The following PIR variants were observed in gnomAD, a reference collection of about 807,000 sequenced individuals.
The protein encoded by PIR is pirin (iron-binding nuclear protein).
In PIR, 22 loss-of-function variants were observed where a neutral mutation model predicts 24.2. The ratio of observed to expected loss-of-function variants is 0.91; its 90% CI spans 0.65 to 1.30. The LOEUF is 1.30. Among genes scored for constraint, PIR ranks in the 50% most tolerant of loss-of-function variants. PIR has a pLI of 0.00. For missense variants in PIR, 220 were observed against 220.3 expected (o/e 1.00, Z 0.01); for synonymous variants, 80 against 79.6 (o/e 1.00, Z -0.03).
chrX:15,447,528 C>T (rs1166610305), intron 5 of PIR, among the ~76,000 whole-genome samples: 1 of 111,823 alleles, frequency 8.9e-6, no homozygotes, highest in Non-Finnish European at 1.9e-5. Flanking sequence ...CCATGTTAGC[C>T]AGGATGGTCT....
At chrX:15,451,146 G>A (rs1013993619) in intron 5 of PIR, among the ~76,000 whole-genome samples, 2 of 111,816 alleles carry the variant, frequency 1.8e-5, no homozygotes, top group African/African-American at 6.5e-5. Flanking sequence ...TCCAATGCTT[G>A]TACAGCTAAA....
intron 5 of PIR, among the ~76,000 whole-genome samples, chrX:15,427,736 T>C (rs754685377): frequency 2.7e-5 from 3 of 109,429 alleles, no homozygotes; most frequent in South Asian, 7.9e-4. Context: ...ATACCGTCAA[T>C]AACTGTATTA....
chrX:15,468,135 G>A (rs1921699423), intron 3 of PIR, among the ~76,000 whole-genome samples: 3 of 112,480 alleles, frequency 2.7e-5, no homozygotes, highest in South Asian at 3.7e-4. Context: ...ACGGGTAGTC[G>A]GAACTATTGT....
chrX:15,459,902 T>C (rs1402801170), intron 3 of PIR, among the ~76,000 whole-genome samples, 162 bp from the exon 4 acceptor site: 7 of 94,252 alleles, frequency 7.4e-5, no homozygotes, highest in Non-Finnish European at 1.3e-4. Flanking sequence ...ATTCCGTGAG[T>C]TGCCTTTTCA....
At chrX:15,473,214 A>G (rs1318224939) in intron 3 of PIR, among the ~76,000 whole-genome samples, 1 of 111,984 alleles carries the variant, frequency 8.9e-6, no homozygotes. Flanking sequence ...AGGACAGTTG[A>G]CAATGTCTGG....
chrX:15,480,731 G>C (rs1410056597), intron 2 of PIR, among the ~76,000 whole-genome samples: 1 of 112,215 alleles, frequency 8.9e-6, no homozygotes, highest in African/African-American at 3.2e-5. Flanking sequence ...AGCTTGGCAT[G>C]CTTGAAGAAC....
At chrX:15,433,455 AAGG>A (rs1209337502) in intron 5 of PIR, among the ~76,000 whole-genome samples, 1 of 104,242 alleles carries the variant, frequency 9.6e-6, no homozygotes, top group Non-Finnish European at 2.0e-5. Flanking sequence ...AAAGAAGAAG[AAGG>A]AGAAGGAGAA....
chrX:15,459,665 C>T lies in PIR; in HGVS notation c.265G>A (p.Asp89Asn). ...CTTGTCCTTGGCCATACCTGCAAAT[C>T]TCCTGGGTTCATTTTACCAGTGTGT... ...CGHTGKMNPGDLQWMTAGRGI... is the reference protein window; with the variant it reads ...CGHTGKMNPGNLQWMTAGRGI... The change falls in exon 4 of 10, where the codon GAT becomes AAT. Residue 89 changes from aspartate to asparagine, a missense_variant. Physicochemically the swap from Asp to Asn is conservative, Grantham distance 23. Coordinates refer to ENST00000380420, the MANE Select transcript of PIR (RefSeq NM_001018109.3). The T allele has an allele frequency of 8.4e-7, 1 of 1,186,662 alleles. No individual in the cohort carries two copies.
intron 4 of PIR, among the ~76,000 whole-genome samples, chrX:15,459,151 C>T (rs1025461757): frequency 8.9e-6 from 1 of 111,882 alleles, no homozygotes; most frequent in Non-Finnish European, 1.9e-5. Flanking sequence ...GGCTCGAGGT[C>T]ATTGTCTTAA....
intron 3 of PIR, among the ~76,000 whole-genome samples, chrX:15,468,032 G>A (rs1921693589): frequency 8.9e-6 from 1 of 112,192 alleles, no homozygotes; most frequent in Admixed American, 9.4e-5. Context: ...TGCTCAAGAT[G>A]TTCATTTCCA....
At chrX:15,475,715 C>T (rs1922157879) in intron 3 of PIR, among the ~76,000 whole-genome samples, 2 of 111,881 alleles carry the variant, frequency 1.8e-5, no homozygotes, top group South Asian at 3.8e-4. Context: ...ACTGAAGTTG[C>T]CCTAAACAAA....
chrX:15,403,988 ATTTT>A (rs1924471814), intron 7 of PIR, among the ~76,000 whole-genome samples: 1 of 81,981 alleles, frequency 1.2e-5, no homozygotes, highest in African/African-American at 4.5e-5. Flanking sequence ...AACATCCAGC[ATTTT>A]CTTTTTTTTT....
intron 4 of PIR, among the ~76,000 whole-genome samples, chrX:15,456,654 G>A (rs1204333608): frequency 1.8e-5 from 2 of 112,541 alleles, no homozygotes; most frequent in Non-Finnish European, 3.8e-5. Flanking sequence ...AAGGGAAGCC[G>A]TTGTGAGCCA....
In PIR at chrX:15,479,805, G is replaced by A. The variant is rs746253345; in HGVS notation, c.113C>T (p.Pro38Leu). Residue 38 changes from proline (P) to leucine (L), a missense_variant, in exon 3 of 10, where the codon CCG (proline) becomes CTG (leucine). Pro to Leu is a moderately conservative substitution (Grantham distance 98). Transcript: ENST00000380420. Reference sequence around the variant, plus strand: ...TTTAAATTCATCAAACAGTAAAAACGGATCCAGATTTTTTAACTGAAATAA... The same window carrying A: ...TTTAAATTCATCAAACAGTAAAAACAGATCCAGATTTTTTAACTGAAATAA... ...IGRPELKNLD[P>L]FLLFDEFKGG... 6.1e-6 allele frequency: 7 copies of A among 1,149,869 alleles called. No individual in the cohort carries two copies. In the East Asian group the frequency reaches 9.1e-5, roughly 15 times the overall value. The allele number at this position is 1,149,869 out of a possible 1,213,427, so 94.8% of individuals were successfully genotyped here.
chrX:15,433,540 GAAA>G (rs1388294977), intron 5 of PIR, among the ~76,000 whole-genome samples: 2 of 63,713 alleles, frequency 3.1e-5, no homozygotes, highest in Non-Finnish European at 5.5e-5. Flanking sequence ...AAGAAAGAAA[GAAA>G]GAGAGAGAAA....
chrX:15,411,689 G>A (rs1015387034), intron 6 of PIR, among the ~76,000 whole-genome samples: 8 of 110,556 alleles, frequency 7.2e-5, no homozygotes, highest in Non-Finnish European at 1.1e-4. Context: ...CCCCGCCACC[G>A]GAAGTCCCCA....
intron 5 of PIR, among the ~76,000 whole-genome samples, chrX:15,455,150 G>A (rs1333538376): frequency 8.9e-6 from 1 of 112,240 alleles, no homozygotes; most frequent in African/African-American, 3.2e-5. Flanking sequence ...ACCTCAGATT[G>A]GTTGGTGTGA....
chrX:15,417,467 A>G (rs1302456433), intron 6 of PIR, among the ~76,000 whole-genome samples: 1 of 112,365 alleles, frequency 8.9e-6, no homozygotes. Flanking sequence ...TAATCAAGGA[A>G]GATGTAGCTC....
In PIR at chrX:15,406,757, G is replaced by C. The variant is rs564657590; in HGVS notation, c.610+749C>G. 7.2e-5 allele frequency among the ~76,000 whole-genome samples: 8 copies of C among 111,664 alleles called. 1 individual carries two copies. Among genetic ancestry groups the C allele is most frequent in the Admixed American group, 3.8e-4 (4 of 10,545 alleles). On this transcript the variant is annotated intron_variant, in intron 7 of 9. Transcript: ENST00000380420. ...GAGGAGGAGACCCAGGCAGGAACCAGGCTGCTCTGCAAGCCCCTCTCTCCC... is the reference window on the plus strand; with the variant it reads ...GAGGAGGAGACCCAGGCAGGAACCACGCTGCTCTGCAAGCCCCTCTCTCCC...
Sources: gnomAD v4.1 joint callset for allele counts (sites outside exome capture counted in the v4.1 genomes callset) on GRCh38, gnomAD v4.1.1 for gene constraint, MANE v1.5 for transcripts, NCBI Gene and HGNC (gene_info 2026-07-23, HGNC 2026-07-21) for gene names.